The following XRN1 variants were observed in gnomAD, a reference collection of about 807,000 sequenced individuals.
The protein encoded by XRN1 is 5'-3' exoribonuclease 1.
A neutral mutation model predicts 222.3 loss-of-function variants in XRN1; 67 were observed. That is an observed-to-expected ratio of 0.30 (90% confidence interval 0.25 to 0.37). The LOEUF is 0.37. Ranked by LOEUF, XRN1 falls within the 10% of genes least tolerant of loss-of-function variation. The pLI is 1.00. For missense variants in XRN1, 1,707 were observed against 2,000.2 expected, an observed-to-expected ratio of 0.85 and a Z score of 2.80; for synonymous variants, 643 against 652.4, an observed-to-expected ratio of 0.99 and a Z score of 0.22.
At chr3:142,359,819 T>G (rs1335812372) in intron 30 of XRN1, 43 bp downstream of exon 30, 5 of 1,424,766 alleles carry the variant, frequency 3.5e-6, no homozygotes, top group Non-Finnish European at 4.9e-6. Context: ...ACTGGCCACA[T>G]GAACATATTC....
At chr3:142,441,267 C>A (rs575676518) in intron 1 of XRN1, among the ~76,000 whole-genome samples, 7 of 152,192 alleles carry the variant, frequency 4.6e-5, no homozygotes. Context: ...TTCCCAGGTA[C>A]GGCAAAATAG....
Position 142,383,340 on chromosome 3 carries a change from A to G in XRN1, c.2576T>C (p.Val859Ala). The change falls in exon 22 of 41, where the codon GTC becomes GCC. Residue 859 changes from valine (V) to alanine (A), a missense_variant. This residue lies in a region of XRN1 where 1,234 missense variants were observed against 1,518.2 expected (regional missense o/e 0.81). Coordinates refer to ENST00000392981, the MANE Select transcript of XRN1 (RefSeq NM_001282857.2). ...LDDLFPLRSM[V>A]FMLGTPYYGC... ...ATAATAGGGAGTTCCCAGCATAAAGACCATACTTCTCAGAGGAAACAAATC... is the reference window on the plus strand; with the variant it reads ...ATAATAGGGAGTTCCCAGCATAAAGGCCATACTTCTCAGAGGAAACAAATC... The G allele has an allele frequency of 6.2e-7, 1 of 1,614,028 alleles. No homozygotes were observed. Among genetic ancestry groups the G allele is most frequent in the Non-Finnish European group, 8.5e-7 (1 of 1,179,968 alleles).
At position 142,404,988 on chromosome 3, in the gene XRN1, C is replaced by A; in HGVS notation, c.1802G>T (p.Cys601Phe). ...KRNQHSECLM[C>F]WYDRDTEFIY... ...AAACTCTGTGTCTCTATCATACCAG[C>A]ACATTAGGCACTCACTATGTTGGTT... The change falls in exon 16 of 41, where the codon TGC (cysteine) becomes TTC (phenylalanine). Residue 601 changes from cysteine (C) to phenylalanine (F), a missense_variant. Transcript: ENST00000392981. 7.4e-6 allele frequency: 12 copies of A among 1,613,934 alleles called. No individual in the cohort carries two copies. The highest frequency in any genetic ancestry group is 9.3e-6 in the Non-Finnish European group (11 of 1,179,876).
intron 16 of XRN1, among the ~76,000 whole-genome samples, 192 bp downstream of exon 16, chr3:142,404,715 T>C (rs1454694266): frequency 6.6e-6 from 1 of 152,162 alleles, no homozygotes; most frequent in African/African-American, 2.4e-5. Context: ...TAGAGAATTA[T>C]AGACACAAGT....
Position 142,365,379 on chromosome 3 carries a change from A to G in XRN1, c.3205-13T>C. ...TATTCTTTCTTTGCTGAGGAAAAAG[A>G]AAAATTGTTAAATATTTTTAAAATA... is the stretch of plus-strand genomic sequence containing the variant. On this transcript the variant is annotated splice_polypyrimidine_tract_variant and intron_variant, in intron 27 of 40. Transcript: ENST00000392981. 6.5e-7 allele frequency: 1 copy of G among 1,535,446 alleles called. No homozygotes were observed. Among genetic ancestry groups the G allele is most frequent in the Non-Finnish European group, 8.8e-7 (1 of 1,136,602 alleles).
rs752196281 is a variant in XRN1 at position 142,318,857 on chromosome 3, T to A, written c.4451A>T (p.His1484Leu). The change falls in exon 38 of 41, where the codon CAT becomes CTT. Residue 1484 changes from histidine to leucine, a missense_variant. By Grantham distance (99) the His-to-Leu change is moderately conservative. Around this residue, in one of 2 missense-constraint regions of XRN1, gnomAD observed 473 missense variants for 482.0 expected, o/e 0.98. Coordinates refer to ENST00000392981, the MANE Select transcript of XRN1 (RefSeq NM_001282857.2). ...ATTTTCAGAGTGGCACTGTGGCCCA[T>A]GTACCAGTAAGCCATTAGATAATTT... ...QVKLSNGLLV[H>L]GPQCHSENEA... 3 of 1,613,986 alleles carry A rather than the reference T, an allele frequency of 1.9e-6. No homozygotes were observed. The highest frequency in any genetic ancestry group is 2.5e-6 in the Non-Finnish European group (3 of 1,179,916).
intron 20 of XRN1, among the ~76,000 whole-genome samples, chr3:142,396,753 G>A (rs1050916821): frequency 3.9e-5 from 6 of 152,152 alleles, no homozygotes; most frequent in East Asian, 3.8e-4. Context: ...CCAGCCTCTC[G>A]TATTCTGCTT....
chr3:142,365,966 A>G (rs929655184), intron 27 of XRN1, among the ~76,000 whole-genome samples: 1 of 152,176 alleles, frequency 6.6e-6, no homozygotes, highest in African/African-American at 2.4e-5. Flanking sequence ...CATTCATTTG[A>G]CAAAACCCTT....
chr3:142,341,828 T>C (rs535440779), intron 33 of XRN1, among the ~76,000 whole-genome samples: 4 of 152,166 alleles, frequency 2.6e-5, no homozygotes, highest in Admixed American at 1.3e-4. Flanking sequence ...ACAAGGAAGA[T>C]CATTATATAA....
chr3:142,336,488 A>G (rs112538204), intron 33 of XRN1, among the ~76,000 whole-genome samples: 1,536 of 151,694 alleles, frequency 0.01, 24 homozygotes, highest in African/African-American at 0.034. Flanking sequence ...AAAAAGAAAG[A>G]GAGGCTGAGG....
In XRN1 at chr3:142,418,862, C is replaced by A; in HGVS notation, c.1193G>T (p.Cys398Phe). ...TTCATTTTTGTCTAAAGCAGTCCAA[C>A]ACAGAGAATTTTCCTGGCCCTGTAA... Reference protein sequence around the residue: ...KKLKGQENSLCWTALDKNEGE... With the variant: ...KKLKGQENSLFWTALDKNEGE... The change falls in exon 11 of 41, where the codon TGT becomes TTT. Residue 398 changes from cysteine (C) to phenylalanine (F), a missense_variant. Physicochemically the swap from Cys to Phe is radical, Grantham distance 205. Around this residue, in one of 2 missense-constraint regions of XRN1, gnomAD observed 1,234 missense variants for 1,518.2 expected, o/e 0.81. Coordinates refer to ENST00000392981, the MANE Select transcript of XRN1 (RefSeq NM_001282857.2). 1.9e-6 allele frequency: 3 copies of A among 1,613,998 alleles called. No individual in the cohort carries two copies. Among genetic ancestry groups the A allele is most frequent in the Non-Finnish European group, 2.5e-6 (3 of 1,179,938 alleles).
chr3:142,349,156 G>A (rs2066236385), intron 32 of XRN1, among the ~76,000 whole-genome samples: 1 of 152,062 alleles, frequency 6.6e-6, no homozygotes, highest in Admixed American at 6.6e-5. Context: ...ATTTTGCCAT[G>A]TTGCCCAGGT....
At chr3:142,418,981 C>T (rs2068899267) in intron 10 of XRN1, 100 bp from the exon 11 acceptor site, 5 of 1,044,644 alleles carry the variant, frequency 4.8e-6, no homozygotes, top group Non-Finnish European at 7.5e-6. Context: ...ATAGTTCTTC[C>T]ATGTTATAAC....
intron 39 of XRN1, among the ~76,000 whole-genome samples, chr3:142,318,264 A>G (rs200674774): frequency 0.042 from 2,553 of 60,174 alleles, 75 homozygotes; most frequent in African/African-American, 0.12. Flanking sequence ...TTTTGGACAT[A>G]GTCTACTACC....
chr3:142,440,194 G>A (rs1399923672), intron 1 of XRN1, among the ~76,000 whole-genome samples: 1 of 152,098 alleles, frequency 6.6e-6, no homozygotes, highest in African/African-American at 2.4e-5. Context: ...CTGTCCTCCA[G>A]ATCTGTCACT....
At chr3:142,341,638 G>A (rs541035788) in intron 33 of XRN1, among the ~76,000 whole-genome samples, 2 of 151,830 alleles carry the variant, frequency 1.3e-5, no homozygotes, top group Non-Finnish European at 2.9e-5. Flanking sequence ...GTGGCTGAAT[G>A]GATTAAAAAA....
intron 2 of XRN1, 77 bp from the exon 3 acceptor site, chr3:142,426,918 T>C (rs1188902891): frequency 2.8e-6 from 3 of 1,088,536 alleles, no homozygotes; most frequent in Non-Finnish European, 4.1e-6. Flanking sequence ...GCTATGTAGG[T>C]GCCTTTATAA....
chr3:142,434,343 T>C (rs1182221819), intron 1 of XRN1, among the ~76,000 whole-genome samples: 1 of 151,998 alleles, frequency 6.6e-6, no homozygotes, highest in East Asian at 1.9e-4. Flanking sequence ...CTAATTTTCA[T>C]ATCTTTTGTA....
intron 20 of XRN1, among the ~76,000 whole-genome samples, chr3:142,390,106 G>A (rs925009703): frequency 3.9e-5 from 6 of 152,166 alleles, no homozygotes; most frequent in East Asian, 1.9e-4. Context: ...TTCAGACTTC[G>A]CTGTTCCATT....
Sources: gnomAD v4.1 joint callset for allele counts (sites outside exome capture counted in the v4.1 genomes callset) on GRCh38, gnomAD v4.1.1 for gene constraint, gnomAD v4.1.1 regional missense constraint, MANE v1.5 for transcripts, NCBI Gene and HGNC (gene_info 2026-07-23, HGNC 2026-07-21) for gene names.